PI4K2B: variants seen among roughly 807,000 people sequenced by gnomAD.
PI4K2B encodes phosphatidylinositol 4-kinase type 2-beta.
Under a neutral mutation model 56.6 loss-of-function variants are expected in PI4K2B, and 46 were observed. That is an observed-to-expected ratio of 0.81 (90% CI 0.64 to 1.04). The LOEUF (loss-of-function observed/expected upper bound fraction) is 1.04. Ranked by LOEUF, PI4K2B falls within the 50% of genes least tolerant of loss-of-function variation. PI4K2B has a pLI of 0.00. For synonymous variants in PI4K2B, 211 were observed against 223.8 expected (o/e 0.94, Z 0.51); for missense variants, 556 against 607.7 (o/e 0.91, Z 0.89).
At chr4:25,260,914 G>A (rs1221265736) in intron 6 of PI4K2B, among the ~76,000 whole-genome samples, 2 of 143,442 alleles carry the variant, frequency 1.4e-5, no homozygotes, top group African/African-American at 5.2e-5. Flanking sequence ...TGCCGTGTTG[G>A]CCAGGCTGGT....
At chr4:25,238,909 T>C (rs1372803832) in intron 1 of PI4K2B, among the ~76,000 whole-genome samples, 1 of 151,804 alleles carries the variant, frequency 6.6e-6, no homozygotes, top group Admixed American at 6.6e-5. Context: ...ATCCTGCTGA[T>C]TGGTCCATTT....
Position 25,255,199 on chromosome 4 carries a change from C to A in PI4K2B, c.558C>A (p.Tyr186Ter). 1 of 1,614,094 alleles carries A rather than the reference C, an allele frequency of 6.2e-7. No individual in the cohort carries two copies. ...GCTGCCTGATTCCTAATCAGGGGTACCTTTCCGAAGCGGGTGCCTATCTTG... is the reference window on the plus strand; with the variant it reads ...GCTGCCTGATTCCTAATCAGGGGTAACTTTCCGAAGCGGGTGCCTATCTTG... ...GRGCLIPNQG[Y>*]LSEAGAYLVD... The change falls in exon 3 of 10, where the codon TAC (tyrosine) becomes TAA (stop). Residue 186 changes from tyrosine to a stop codon, truncating the protein, a stop_gained. Transcript: ENST00000264864. LOFTEE classifies it high-confidence loss of function.
Position 25,243,468 on chromosome 4 carries a change from G to A in PI4K2B, c.269-8853G>A, listed in dbSNP as rs373220108. ...CAAGGTTTGTTTGTCTGAGGGCCAT[G>A]ACTAAGGCTGCGGCCTTTCTCTGAT... On this transcript the variant is annotated intron_variant, in intron 1 of 9. Coordinates refer to ENST00000264864, the MANE Select transcript of PI4K2B (RefSeq NM_018323.4). 1.2e-3 allele frequency among the ~76,000 whole-genome samples: 176 copies of A among 152,334 alleles called. 1 individual carries two copies. The South Asian group carries it at 0.021, about 18-fold the overall frequency.
At chr4:25,239,274 G>A (rs1334373770) in intron 1 of PI4K2B, among the ~76,000 whole-genome samples, 2 of 152,202 alleles carry the variant, frequency 1.3e-5, no homozygotes, top group Non-Finnish European at 1.5e-5. Flanking sequence ...CGATGGGACG[G>A]GGCACCATGG....
chr4:25,267,787 T>A lies in PI4K2B; in HGVS notation c.1079-656T>A, dbSNP rs929139728. 14 of 979,284 alleles carry A rather than the reference T, an allele frequency of 1.4e-5. No individual in the cohort carries two copies. In the African/African-American group the frequency reaches 1.9e-4, roughly 13 times the overall value. 60.7% of individuals were successfully genotyped at this position (979,284 alleles called of 1,614,324 possible). Reference sequence around the variant, plus strand: ...AGGGAGAATTAGAGATAGCTTAGAGTCATGGATCTTTTGTCTCTTAAAATG... The same window carrying A: ...AGGGAGAATTAGAGATAGCTTAGAGACATGGATCTTTTGTCTCTTAAAATG... On this transcript the variant is annotated intron_variant, in intron 7 of 9. Coordinates refer to ENST00000264864, the MANE Select transcript of PI4K2B (RefSeq NM_018323.4).
chr4:25,259,267 G>T, intron 5 of PI4K2B, 77 bp downstream of exon 5: 1 of 1,019,394 alleles, frequency 9.8e-7, no homozygotes, highest in South Asian at 1.6e-5. Flanking sequence ...AATCAAAGCG[G>T]TAAACTTTTG....
intron 9 of PI4K2B, among the ~76,000 whole-genome samples, chr4:25,274,869 C>T (rs933993334): frequency 1.3e-5 from 2 of 152,180 alleles, no homozygotes; most frequent in Non-Finnish European, 2.9e-5. Flanking sequence ...GATCTCAGCT[C>T]ACTGCAACCT....
intron 1 of PI4K2B, 67 bp downstream of exon 1, chr4:25,234,498 C>T: frequency 8.9e-7 from 1 of 1,120,220 alleles, no homozygotes. Flanking sequence ...CCGGCTCGGT[C>T]CTGTCTCCCG....
chr4:25,252,317 G>A lies in PI4K2B; in HGVS notation c.269-4G>A. 1.2e-6 allele frequency: 2 copies of A among 1,604,808 alleles called. No homozygotes were observed. Among genetic ancestry groups the A allele is most frequent in the Non-Finnish European group, 1.7e-6 (2 of 1,172,440 alleles). The stretch of plus-strand genomic sequence containing the variant: ...CTCATAGCTGGTATTTCTTCTTAAT[G>A]CAGTAACTATTGGTACTTCAGAGAT... On this transcript the variant is annotated splice_region_variant and splice_polypyrimidine_tract_variant and intron_variant, in intron 1 of 9. Transcript: ENST00000264864.
chr4:25,242,530 G>A (rs933104324), intron 1 of PI4K2B, among the ~76,000 whole-genome samples: 2 of 152,216 alleles, frequency 1.3e-5, no homozygotes, highest in African/African-American at 4.8e-5. Context: ...AGAGAGCAGG[G>A]TATTGGGGTT....
chr4:25,234,054 A>AGGT lies in PI4K2B; in HGVS notation c.-107_-105dup, dbSNP rs1423991665. ...CGCCAAGCGTGCCCGTGCGCTGGTGAGGTGGCGTCCGTTCTACCCGGTCGC... is the reference window on the plus strand; with the variant it reads ...CGCCAAGCGTGCCCGTGCGCTGGTGAGGTGGTGGCGTCCGTTCTACCCGGTCGC... On this transcript the variant is annotated 5_prime_UTR_variant, in exon 1 of 10. Transcript: ENST00000264864. The AGGT allele has an allele frequency of 1.1e-6, 1 of 937,164 alleles. No individual in the cohort carries two copies. Among genetic ancestry groups the AGGT allele is most frequent in the African/African-American group, 1.7e-5 (1 of 58,700 alleles). 58.1% of individuals were successfully genotyped at this position (937,164 alleles called of 1,614,324 possible).
At chr4:25,262,442 C>G (rs1030806424) in intron 6 of PI4K2B, among the ~76,000 whole-genome samples, 1 of 152,146 alleles carries the variant, frequency 6.6e-6, no homozygotes, top group Non-Finnish European at 1.5e-5. Flanking sequence ...TTCTTTTGCT[C>G]TAAGTATTTT....
At position 25,255,265 on chromosome 4, in the gene PI4K2B, G is replaced by A; in HGVS notation, c.624G>A (p.Lys208=). 3 of 1,612,308 alleles carry A rather than the reference G, an allele frequency of 1.9e-6. No homozygotes were observed. Among genetic ancestry groups the A allele is most frequent in the Non-Finnish European group, 2.5e-6 (3 of 1,178,530 alleles). Residue 208 remains lysine (K), a splice_region_variant and synonymous_variant, in exon 3 of 10, where the codon AAG becomes AAA. Transcript: ENST00000264864. ...KLHLSIVPKT[K]VVWLVSETFN... is the part of the protein sequence containing the mutation. ...ATCTGAGCATTGTACCTAAAACAAA[G>A]GTAAGCCAGACTTTATTTTTAACCA...
intron 1 of PI4K2B, among the ~76,000 whole-genome samples, chr4:25,236,023 A>G (rs1348076531): frequency 6.6e-6 from 1 of 151,970 alleles, no homozygotes; most frequent in Non-Finnish European, 1.5e-5. Flanking sequence ...ACAAAAATTC[A>G]AAGTGAGGAT....
At chr4:25,258,538 AT>A (rs1716341598) in intron 4 of PI4K2B, 2 of 525,696 alleles carry the variant, frequency 3.8e-6, no homozygotes, top group Non-Finnish European at 4.9e-6. Context: ...AAAATAATTT[AT>A]TTAGAATTCA....
intron 7 of PI4K2B, among the ~76,000 whole-genome samples, chr4:25,265,271 C>G (rs931747827): frequency 6.7e-6 from 1 of 148,640 alleles, no homozygotes; most frequent in Non-Finnish European, 1.5e-5. Context: ...TATTAGTGAG[C>G]CTTTTACTCA....
At chr4:25,259,266 G>T (rs760901248) in intron 5 of PI4K2B, 76 bp downstream of exon 5, 1 of 1,054,204 alleles carries the variant, frequency 9.5e-7, no homozygotes, top group South Asian at 1.6e-5. Flanking sequence ...AAATCAAAGC[G>T]GTAAACTTTT....
chr4:25,270,703 TCTGCAGGCTGGGCTCA>T (rs1162283099), intron 9 of PI4K2B, among the ~76,000 whole-genome samples: 8 of 152,158 alleles, frequency 5.3e-5, no homozygotes, highest in African/African-American at 1.9e-4. Context: ...CTGATGTGGA[TCTGCAGGCTGGGCTCA>T]CTGCAGGCTG....
Position 25,249,630 on chromosome 4 carries a change from C to T in PI4K2B, c.269-2691C>T, listed in dbSNP as rs184104117. Among the ~76,000 whole-genome samples, 527 of 150,556 alleles carry T rather than the reference C, an allele frequency of 3.5e-3. 5 individuals carry two copies. The highest frequency in any genetic ancestry group is 0.012 in the African/African-American group (490 of 40,812). On this transcript the variant is annotated intron_variant, in intron 1 of 9. Coordinates refer to ENST00000264864, the MANE Select transcript of PI4K2B (RefSeq NM_018323.4). Reference sequence around the variant, plus strand: ...CTCCTCACTTCTCAGATGTGGCGGCCGGTCAGAGACACTCCTCACCTCCCA... The same window carrying T: ...CTCCTCACTTCTCAGATGTGGCGGCTGGTCAGAGACACTCCTCACCTCCCA...
Sources: allele counts gnomAD v4.1 joint callset (sites outside exome capture counted in the v4.1 genomes callset), GRCh38; gene constraint gnomAD v4.1.1; transcripts MANE v1.5; gene names NCBI Gene and HGNC (gene_info 2026-07-23, HGNC 2026-07-21).